The following CEP350 variants were observed in gnomAD, a reference collection of about 807,000 sequenced individuals.
CEP350 encodes centrosomal protein 350.
Under a neutral mutation model 331.8 loss-of-function variants are expected in CEP350, and 126 were observed. The ratio of observed to expected loss-of-function variants is 0.38; its 90% CI spans 0.33 to 0.44. The LOEUF is 0.44. Ranked by LOEUF, CEP350 falls within the 20% of genes least tolerant of loss-of-function variation. The pLI is 1.00. For synonymous variants in CEP350, 1,200 were observed against 1,259.5 expected, an observed-to-expected ratio of 0.95 and a Z score of 1.00; for missense variants, 3,406 against 3,634.6, an observed-to-expected ratio of 0.94 and a Z score of 1.62.
At chr1:180,004,906 G>GCTTTCTTGCTTTCTTTCTTT (rs1654138092) in intron 7 of CEP350, among the ~76,000 whole-genome samples, 1 of 130,796 alleles carries the variant, frequency 7.6e-6, no homozygotes, top group African/African-American at 3.1e-5. Flanking sequence ...TTGCTTGCTT[G>GCTTTCTTGCTTTCTTTCTTT]CTTTCTTTCT....
intron 29 of CEP350, 108 bp downstream of exon 29, chr1:180,078,782 T>G: frequency 1.2e-6 from 1 of 856,248 alleles, no homozygotes; most frequent in South Asian, 1.8e-5. Context: ...GTCACCATAC[T>G]TGTAACATAT....
chr1:180,107,310 A>G (rs1317671181), intron 37 of CEP350, among the ~76,000 whole-genome samples: 2 of 152,226 alleles, frequency 1.3e-5, no homozygotes, highest in Admixed American at 6.5e-5. Flanking sequence ...GAATGGGAGC[A>G]CAGAGGAAAA....
intron 27 of CEP350, 109 bp from the exon 28 acceptor site, chr1:180,074,913 G>A (rs912263074): frequency 3.7e-5 from 33 of 898,784 alleles, no homozygotes; most frequent in African/African-American, 1.9e-4. Flanking sequence ...TAGTATGAAT[G>A]TTCTGCTTTT....
At chr1:179,993,741 C>CCG (rs1174033035) in intron 5 of CEP350, among the ~76,000 whole-genome samples, 3 of 152,050 alleles carry the variant, frequency 2.0e-5, no homozygotes, top group African/African-American at 7.2e-5. Context: ...CTGCGGCTGG[C>CCG]CTGTAAATTA....
intron 37 of CEP350, among the ~76,000 whole-genome samples, chr1:180,108,516 G>A (rs1454751224): frequency 2.0e-5 from 3 of 152,192 alleles, no homozygotes; most frequent in Admixed American, 6.5e-5. Flanking sequence ...AAAGTGGGGC[G>A]GGGTGGGGGA....
In CEP350 at chr1:180,034,038, C is replaced by T. The variant is rs866486796; in HGVS notation, c.3902C>T (p.Pro1301Leu). 29 of 1,613,650 alleles carry T rather than the reference C, an allele frequency of 1.8e-5. No homozygotes were observed. Among genetic ancestry groups the T allele is most frequent in the Non-Finnish European group, 2.4e-5 (28 of 1,179,782 alleles). Residue 1301 changes from proline (P) to leucine (L), a missense_variant, in exon 16 of 38, where the codon CCG becomes CTG. Pro to Leu is a moderately conservative substitution (Grantham distance 98). Transcript: ENST00000367607. ...KPNAPLTDLN[P>L]AASRTTTENM... ...AATGCACCTCTCACTGATCTGAACCCGGCAGCCAGCAGAACAACGACAGAG... is the reference window on the plus strand; with the variant it reads ...AATGCACCTCTCACTGATCTGAACCTGGCAGCCAGCAGAACAACGACAGAG...
At chr1:180,030,317 A>ATATG (rs371007302) in intron 14 of CEP350, among the ~76,000 whole-genome samples, 2 of 147,394 alleles carry the variant, frequency 1.4e-5, no homozygotes, top group South Asian at 2.1e-4. Flanking sequence ...GTATATATGT[A>ATATG]TATATATACA....
intron 21 of CEP350, among the ~76,000 whole-genome samples, chr1:180,046,682 T>G (rs998718209): frequency 6.6e-6 from 1 of 152,218 alleles, no homozygotes; most frequent in African/African-American, 2.4e-5. Flanking sequence ...AACTGCAGCA[T>G]TTTATACTAT....
Position 180,112,721 on chromosome 1 carries a change from T to A in CEP350, c.*1560T>A, listed in dbSNP as rs11579402. On this transcript the variant is annotated 3_prime_UTR_variant, in exon 38 of 38. Coordinates refer to ENST00000367607, the MANE Select transcript of CEP350 (RefSeq NM_014810.5). ...TGGAATGTTATAGCTTCAAAGTATA[T>A]TAGAAAAACCCCAAAGATGGTATAA... The A allele has an allele frequency of 0.076, 11,549 of 152,690 alleles. 619 individuals are homozygous for A. Among genetic ancestry groups the A allele is most frequent in the African/African-American group, 0.16 (6,529 of 41,526 alleles). 9.5% of individuals were successfully genotyped at this position (152,690 alleles called of 1,614,324 possible).
chr1:180,078,454 T>G lies in CEP350; in HGVS notation c.5768-9T>G. The G allele has an allele frequency of 6.3e-7, 1 of 1,593,376 alleles. No individual in the cohort carries two copies. On this transcript the variant is annotated splice_polypyrimidine_tract_variant and intron_variant, in intron 28 of 37. Coordinates refer to ENST00000367607, the MANE Select transcript of CEP350 (RefSeq NM_014810.5). ...TCTTTTTTTTCTTGTTTTCACCTTC[T>G]CTGTCTAGAAATAGCAAGTGAAGAG...
Position 180,020,977 on chromosome 1 carries a change from T to G in CEP350, c.3203T>G (p.Ile1068Ser), listed in dbSNP as rs1187527686. 1 of 1,565,156 alleles carries G rather than the reference T, an allele frequency of 6.4e-7. No individual in the cohort carries two copies. Among genetic ancestry groups the G allele is most frequent in the East Asian group, 2.3e-5 (1 of 44,422 alleles). The change falls in exon 12 of 38, where the codon ATT (isoleucine) becomes AGT (serine). Residue 1068 changes from isoleucine (I) to serine (S), a missense_variant. This residue lies in a region of CEP350 where 1,857 missense variants were observed against 1,909.2 expected (regional missense o/e 0.97). Transcript: ENST00000367607. The part of the protein sequence containing the change: ...AKGSPHSVIN[I>S]FTKSYQLYGK... ...GGAAGTCCACATAGCGTCATTAATA[T>G]TTTTACAAAATCCTATCAGTTATAT...
intron 3 of CEP350, 117 bp from the exon 4 acceptor site, chr1:179,990,390 T>C: frequency 4.5e-6 from 2 of 446,598 alleles, no homozygotes; most frequent in Non-Finnish European, 7.9e-6. Flanking sequence ...TTCCTGAGTT[T>C]TTTTCTACTT....
At chr1:180,011,745 A>T (rs944279020) in intron 8 of CEP350, among the ~76,000 whole-genome samples, 184 bp from the exon 9 acceptor site, 1 of 152,250 alleles carries the variant, frequency 6.6e-6, no homozygotes, top group East Asian at 1.9e-4. Flanking sequence ...GTGTGGGTAA[A>T]TCAAGATATA....
chr1:180,016,983 C>G (rs1014629721), intron 11 of CEP350, among the ~76,000 whole-genome samples: 2 of 151,912 alleles, frequency 1.3e-5, no homozygotes, highest in Admixed American at 6.6e-5. Flanking sequence ...TTTTTTTACC[C>G]CATTGTCCCT....
chr1:179,973,622 C>T (rs890456200), intron 1 of CEP350, among the ~76,000 whole-genome samples: 5 of 152,128 alleles, frequency 3.3e-5, no homozygotes, highest in African/African-American at 9.7e-5. Flanking sequence ...CTTTATCAAA[C>T]GGCTCCCATT....
intron 25 of CEP350, among the ~76,000 whole-genome samples, chr1:180,057,338 T>G (rs1486720334): frequency 6.6e-6 from 1 of 151,962 alleles, no homozygotes; most frequent in African/African-American, 2.4e-5. Context: ...TGACCTCAGG[T>G]GATCCACCCA....
chr1:180,014,602 C>A, intron 10 of CEP350, 97 bp downstream of exon 10: 1 of 1,083,538 alleles, frequency 9.2e-7, no homozygotes, highest in Non-Finnish European at 1.3e-6. Context: ...CTAGTATGCT[C>A]AGATAATACT....
chr1:180,052,993 T>C lies in CEP350; in HGVS notation c.4816T>C (p.Tyr1606His), dbSNP rs778771867. The C allele has an allele frequency of 7.2e-7, 1 of 1,397,562 alleles. No individual in the cohort carries two copies. Among genetic ancestry groups the C allele is most frequent in the Admixed American group, 1.8e-5 (1 of 55,074 alleles). The allele number at this position is 1,397,562 out of a possible 1,614,324, so 86.6% of individuals were successfully genotyped here. A position where few individuals can be genotyped will look rare whatever the true frequency, so the allele number is the denominator to read the frequency against. The change falls in exon 23 of 38, where the codon TAT becomes CAT. Residue 1606 changes from tyrosine to histidine, a missense_variant. Physicochemically the swap from Tyr to His is moderately conservative, Grantham distance 83. This residue lies in a region of CEP350 where 1,857 missense variants were observed against 1,909.2 expected (regional missense o/e 0.97). Coordinates refer to ENST00000367607, the MANE Select transcript of CEP350 (RefSeq NM_014810.5). Reference sequence around the variant, plus strand: ...AGACTCAACGTCTATTGCAACAGAATATTCTCTGAAATTTGATGAATCCAT... The same window carrying C: ...AGACTCAACGTCTATTGCAACAGAACATTCTCTGAAATTTGATGAATCCAT... ...EKDSTSIATE[Y>H]SLKFDESMTE...
At chr1:180,049,647 G>A (rs1339788343) in intron 22 of CEP350, among the ~76,000 whole-genome samples, 1 of 150,972 alleles carries the variant, frequency 6.6e-6, no homozygotes, top group African/African-American at 2.4e-5. Context: ...GGGTTCAAGT[G>A]ATTCTCCTGC....
Sources: allele counts gnomAD v4.1 joint callset (sites outside exome capture counted in the v4.1 genomes callset), GRCh38; gene constraint gnomAD v4.1.1; regional missense constraint gnomAD v4.1.1; transcripts MANE v1.5; gene names NCBI Gene and HGNC (gene_info 2026-07-23, HGNC 2026-07-21).